Variants in SFT2D1 observed in about 807,000 individuals in gnomAD.
SFT2D1 encodes vesicle transport protein SFT2A.
SFT2D1 carries 24 observed loss-of-function variants against 28.1 expected under a neutral mutation model. The observed-to-expected ratio is 0.85, with a 90% CI of 0.62 to 1.20. The LOEUF is 1.20. Ranked by LOEUF, SFT2D1 falls within the 50% of genes most tolerant of loss-of-function variation. The pLI is 0.00. For synonymous variants in SFT2D1, 82 were observed against 73.7 expected (o/e 1.11, Z -0.58); for missense variants, 181 against 190.9 (o/e 0.95, Z 0.31).
chr6:166,328,868 G>A (rs1005981827), intron 3 of SFT2D1, among the ~76,000 whole-genome samples: 7 of 152,174 alleles, frequency 4.6e-5, no homozygotes, highest in Admixed American at 1.3e-4. Flanking sequence ...CCAAAGATGC[G>A]ACAAAGATTC....
chr6:166,334,973 A>G, intron 1 of SFT2D1: 1 of 475,100 alleles, frequency 2.1e-6, no homozygotes, highest in Admixed American at 2.4e-5. Context: ...AACTGAAGTG[A>G]CTGAAATCAT....
chr6:166,335,228 G>A (rs557688253), intron 1 of SFT2D1: 3 of 602,858 alleles, frequency 5.0e-6, no homozygotes, highest in Non-Finnish European at 6.3e-6. Context: ...TTCGGTCATG[G>A]AGGAAATTTC....
At position 166,320,133 on chromosome 6, in the gene SFT2D1, C is replaced by G; in HGVS notation, c.*84G>C. The G allele has an allele frequency of 3.8e-6, 5 of 1,302,834 alleles. No individual in the cohort carries two copies. The highest frequency in any genetic ancestry group is 5.5e-6 in the Non-Finnish European group (5 of 908,880). 80.7% of individuals were successfully genotyped at this position (1,302,834 alleles called of 1,614,324 possible). A position where few individuals can be genotyped will look rare whatever the true frequency, so the allele number is the denominator to read the frequency against. On this transcript the variant is annotated 3_prime_UTR_variant, in exon 8 of 8. Coordinates refer to ENST00000361731, the MANE Select transcript of SFT2D1 (RefSeq NM_145169.3). ...TCTTCAACTGTCACGTCAGTTGTTC[C>G]TGGAGTGTTTTATGGGGAAAAGCAA...
At chr6:166,323,043 G>T in intron 6 of SFT2D1, 157 bp from the exon 7 acceptor site, 3 of 556,680 alleles carry the variant, frequency 5.4e-6, no homozygotes, top group Non-Finnish European at 9.6e-6. Context: ...CATCATCTGG[G>T]AACTTGTTAA....
chr6:166,340,797 C>G (rs945684037), intron 1 of SFT2D1, among the ~76,000 whole-genome samples: 2 of 152,228 alleles, frequency 1.3e-5, no homozygotes, highest in Non-Finnish European at 2.9e-5. Flanking sequence ...GTTATTAACA[C>G]CTGCATCTTG....
chr6:166,320,672 C>T (rs1474830835), intron 7 of SFT2D1, among the ~76,000 whole-genome samples: 3 of 130,782 alleles, frequency 2.3e-5, no homozygotes, highest in Non-Finnish European at 4.8e-5. Context: ...CACACCACTA[C>T]ACTAATTTTT....
intron 1 of SFT2D1, among the ~76,000 whole-genome samples, chr6:166,342,040 G>T (rs965718969): frequency 6.6e-6 from 1 of 152,130 alleles, no homozygotes; most frequent in African/African-American, 2.4e-5. Flanking sequence ...ACTGCAGCTT[G>T]CAGGATAAAT....
chr6:166,334,346 G>A (rs1049249002), intron 1 of SFT2D1, among the ~76,000 whole-genome samples: 14 of 152,228 alleles, frequency 9.2e-5, no homozygotes, highest in Non-Finnish European at 1.9e-4. Flanking sequence ...TGTAATCCTG[G>A]CACTTTGGGA....
At chr6:166,339,891 T>C (rs1278584086) in intron 1 of SFT2D1, among the ~76,000 whole-genome samples, 1 of 152,174 alleles carries the variant, frequency 6.6e-6, no homozygotes, top group African/African-American at 2.4e-5. Context: ...TCCCACAAAC[T>C]CTACAGTGTT....
intron 6 of SFT2D1, 104 bp downstream of exon 6, chr6:166,324,433 C>A (rs1224421501): frequency 1.8e-6 from 2 of 1,120,236 alleles, no homozygotes; most frequent in Non-Finnish European, 1.3e-6. Flanking sequence ...GCCTGTCTGG[C>A]TCCAAAACAC....
intron 5 of SFT2D1, among the ~76,000 whole-genome samples, chr6:166,324,928 T>C (rs914421214): frequency 9.9e-5 from 15 of 152,242 alleles, no homozygotes; most frequent in African/African-American, 3.4e-4. Flanking sequence ...AGAATCGACA[T>C]GTAAAATCCC....
intron 4 of SFT2D1, 101 bp from the exon 5 acceptor site, chr6:166,326,268 A>G (rs1027602931): frequency 1.1e-6 from 1 of 944,290 alleles, no homozygotes; most frequent in African/African-American, 1.7e-5. Flanking sequence ...GGAATATACT[A>G]TAGAACAAAA....
In SFT2D1 at chr6:166,326,137, G is replaced by A; in HGVS notation, c.346C>T (p.Leu116Phe). Residue 116 changes from leucine to phenylalanine, a missense_variant, in exon 5 of 8, where the codon CTT becomes TTT. Physicochemically the swap from Leu to Phe is conservative, Grantham distance 22. Coordinates refer to ENST00000361731, the MANE Select transcript of SFT2D1 (RefSeq NM_145169.3). ...LCFIFTLCAA[L>F]WWHKKGLAVL... ...GTAGGGCTGACATAACTTACCCAAA[G>A]AGCAGCACACAGGGTAAATATGAAA... is the stretch of plus-strand genomic sequence containing the variant. 1 of 1,613,858 alleles carries A rather than the reference G, an allele frequency of 6.2e-7. No homozygotes were observed. Among genetic ancestry groups the A allele is most frequent in the Non-Finnish European group, 8.5e-7 (1 of 1,179,772 alleles).
chr6:166,320,697 A>G (rs954091661), intron 7 of SFT2D1, among the ~76,000 whole-genome samples: 23 of 129,166 alleles, frequency 1.8e-4, no homozygotes, highest in African/African-American at 6.3e-4. Flanking sequence ...TTTTTTTTTT[A>G]ATAGAGATAG....
chr6:166,334,746 C>T (rs954968587), intron 1 of SFT2D1: 25 of 359,884 alleles, frequency 6.9e-5, no homozygotes, highest in African/African-American at 5.1e-4. Flanking sequence ...GCACCAAGCA[C>T]TCTGGGGCTT....
chr6:166,337,131 G>A (rs1484070783), intron 1 of SFT2D1, among the ~76,000 whole-genome samples: 1 of 152,208 alleles, frequency 6.6e-6, no homozygotes, highest in African/African-American at 2.4e-5. Flanking sequence ...CCCTGGGGAG[G>A]TGCAGTCAAG....
chr6:166,321,626 G>A (rs1778360391), intron 7 of SFT2D1, among the ~76,000 whole-genome samples: 1 of 152,076 alleles, frequency 6.6e-6, no homozygotes, highest in Non-Finnish European at 1.5e-5. Flanking sequence ...TTCCTTCACT[G>A]TTCGTATTAA....
At chr6:166,337,546 A>G (rs965111007) in intron 1 of SFT2D1, among the ~76,000 whole-genome samples, 1 of 151,818 alleles carries the variant, frequency 6.6e-6, no homozygotes, top group Non-Finnish European at 1.5e-5. Flanking sequence ...TTCTACCTGG[A>G]AAGACAGCTT....
chr6:166,333,756 G>C (rs1778594546), intron 1 of SFT2D1, among the ~76,000 whole-genome samples: 1 of 152,148 alleles, frequency 6.6e-6, no homozygotes, highest in Non-Finnish European at 1.5e-5. Flanking sequence ...AAGGCTTCTT[G>C]CTTTATCTCA....
Sources: gnomAD v4.1 joint callset for allele counts (sites outside exome capture counted in the v4.1 genomes callset) on GRCh38, gnomAD v4.1.1 for gene constraint, MANE v1.5 for transcripts, NCBI Gene and HGNC (gene_info 2026-07-23, HGNC 2026-07-21) for gene names.